MAGI2: variants seen among roughly 807,000 people sequenced by gnomAD.
MAGI2 encodes membrane associated guanylate kinase, WW and PDZ domain containing 2, also known as membrane-associated guanylate kinase, WW and PDZ domain-containing protein 2.
MAGI2 carries 35 observed loss-of-function variants against 133.3 expected under a neutral mutation model. The observed-to-expected ratio is 0.26, with a 90% CI of 0.20 to 0.35. The LOEUF is 0.35. Among genes scored for constraint, MAGI2 ranks in the 10% least tolerant of loss-of-function variants. The pLI, the probability that MAGI2 is intolerant of heterozygous loss-of-function variation, is 1.00. For missense variants in MAGI2, 1,636 were observed against 1,863.4 expected (o/e 0.88, Z 2.25); for synonymous variants, 729 against 710.6 (o/e 1.03, Z -0.41).
At chr7:78,462,812 A>C (rs1236938210) in intron 6 of MAGI2, among the ~76,000 whole-genome samples, 4 of 152,230 alleles carry the variant, frequency 2.6e-5, no homozygotes, top group Non-Finnish European at 4.4e-5. Context: ...AGGAAGCAGG[A>C]AGCCTCCTGC....
At chr7:78,407,648 C>A (rs920607695) in intron 6 of MAGI2, among the ~76,000 whole-genome samples, 35 of 84,708 alleles carry the variant, frequency 4.1e-4, no homozygotes, top group African/African-American at 2.1e-3. Context: ...GCTGCAGCTT[C>A]TTCTACTTTT....
rs540757503 is a variant in MAGI2 at position 78,086,976 on chromosome 7, G to A, written c.3568-7891C>T. Among the ~76,000 whole-genome samples the A allele has an allele frequency of 1.3e-4, 20 of 152,084 alleles. No homozygotes were observed. The East Asian group carries it at 3.3e-3, about 25-fold the overall frequency. On this transcript the variant is annotated intron_variant, in intron 20 of 21. Coordinates refer to ENST00000354212, the MANE Select transcript of MAGI2 (RefSeq NM_012301.4). ...AGGTATTTGGCATGTTTCCTTTTTGGTGCCTTTCTCTGTGCTGTTCTTTTT... is the reference window on the plus strand; with the variant it reads ...AGGTATTTGGCATGTTTCCTTTTTGATGCCTTTCTCTGTGCTGTTCTTTTT...
rs1793598326 is a variant in MAGI2 at position 78,855,942 on chromosome 7, C to T, written c.418+151148G>A. ...TTGTTTCCTGACTTTTCAATGATTG[C>T]CATTCTAACAGGTGTGAGATGGTAT... On this transcript the variant is annotated intron_variant, in intron 2 of 21. Transcript: ENST00000354212. 3.3e-5 allele frequency among the ~76,000 whole-genome samples: 5 copies of T among 152,178 alleles called. No individual in the cohort carries two copies. The South Asian group carries it at 1.0e-3, about 31-fold the overall frequency.
At chr7:79,001,849 A>T (rs1029857239) in intron 2 of MAGI2, among the ~76,000 whole-genome samples, 39 of 152,164 alleles carry the variant, frequency 2.6e-4, no homozygotes, top group African/African-American at 8.9e-4. Context: ...CTGTTTAATC[A>T]TCTCTAAATA....
intron 9 of MAGI2, among the ~76,000 whole-genome samples, chr7:78,293,611 T>C (rs758509406): frequency 2.0e-5 from 3 of 152,210 alleles, no homozygotes; most frequent in Non-Finnish European, 4.4e-5. Flanking sequence ...TTATAAGTCA[T>C]GCTGCTATAA....
intron 9 of MAGI2, among the ~76,000 whole-genome samples, chr7:78,271,334 CG>C (rs1417809029): frequency 2.6e-5 from 4 of 152,094 alleles, no homozygotes; most frequent in African/African-American, 9.7e-5. Context: ...AGCTTTTTGA[CG>C]TGCTGCTGGA....
intron 10 of MAGI2, among the ~76,000 whole-genome samples, chr7:78,230,481 A>C (rs987899539): frequency 1.3e-5 from 2 of 151,490 alleles, no homozygotes; most frequent in African/African-American, 4.9e-5. Context: ...TGAATATGCA[A>C]TTTTTTTTTA....
chr7:79,160,017 C>G (rs1824202687), intron 1 of MAGI2, among the ~76,000 whole-genome samples: 1 of 151,976 alleles, frequency 6.6e-6, no homozygotes, highest in Non-Finnish European at 1.5e-5. Context: ...AGCTCAGATG[C>G]CTTTTAATTC....
intron 1 of MAGI2, among the ~76,000 whole-genome samples, chr7:79,214,360 C>CCTCTCTCTCTCTCT (rs71531163): frequency 1.5e-4 from 4 of 27,566 alleles, no homozygotes; most frequent in Admixed American, 6.2e-4. Flanking sequence ...GCATTACGCA[C>CCTCTCTCTCTCTCT]CTCTCTCTCT....
intron 1 of MAGI2, among the ~76,000 whole-genome samples, chr7:79,209,594 C>A (rs80072483): frequency 6.6e-6 from 1 of 151,906 alleles, no homozygotes; most frequent in African/African-American, 2.4e-5. Context: ...TTCCTCTGCC[C>A]CAAGGGCACA....
intron 2 of MAGI2, among the ~76,000 whole-genome samples, chr7:78,798,163 G>A (rs755032792): frequency 6.6e-6 from 1 of 152,074 alleles, no homozygotes; most frequent in African/African-American, 2.4e-5. Context: ...TAGTATTTAC[G>A]CAGGCTGCAT....
chr7:78,789,442 G>T (rs976225768), intron 2 of MAGI2, among the ~76,000 whole-genome samples: 1 of 152,160 alleles, frequency 6.6e-6, no homozygotes, highest in Non-Finnish European at 1.5e-5. Context: ...GAATGATATT[G>T]CCTGCCATGA....
chr7:78,797,036 G>A (rs1305005287), intron 2 of MAGI2, among the ~76,000 whole-genome samples: 1 of 152,040 alleles, frequency 6.6e-6, no homozygotes, highest in Non-Finnish European at 1.5e-5. Context: ...AATACAGTTA[G>A]ATAGAAGGAA....
chr7:78,967,373 T>C (rs1196354783), intron 2 of MAGI2, among the ~76,000 whole-genome samples: 2 of 152,108 alleles, frequency 1.3e-5, no homozygotes, highest in Non-Finnish European at 2.9e-5. Context: ...ATATATGGCT[T>C]GCATGCATTT....
chr7:78,733,921 G>A lies in MAGI2; in HGVS notation c.419-106682C>T, dbSNP rs902117523. Among the ~76,000 whole-genome samples the A allele has an allele frequency of 2.1e-4, 32 of 152,188 alleles. 1 individual carries two copies. The highest frequency in any genetic ancestry group is 4.6e-4 in the Admixed American group (7 of 15,288). ...CTGTAATGGTCACATATCTGAAAAC[G>A]GTAATTGACTGATAAGCAACAAAAT... On this transcript the variant is annotated intron_variant, in intron 2 of 21. Coordinates refer to ENST00000354212, the MANE Select transcript of MAGI2 (RefSeq NM_012301.4).
intron 2 of MAGI2, among the ~76,000 whole-genome samples, chr7:78,893,951 T>C (rs1001990736): frequency 2.0e-5 from 3 of 152,190 alleles, no homozygotes; most frequent in Non-Finnish European, 4.4e-5. Context: ...ATAATATAGA[T>C]AATGAAAGCT....
chr7:78,680,319 G>T (rs567029548), intron 2 of MAGI2, among the ~76,000 whole-genome samples: 1 of 152,234 alleles, frequency 6.6e-6, no homozygotes, highest in East Asian at 1.9e-4. Flanking sequence ...TTGAAATGGA[G>T]TATAATGAGT....
At chr7:78,608,307 G>A (rs1358522092) in intron 3 of MAGI2, among the ~76,000 whole-genome samples, 2 of 151,894 alleles carry the variant, frequency 1.3e-5, no homozygotes, top group Non-Finnish European at 2.9e-5. Flanking sequence ...ACCCTTCCAT[G>A]CCTTCCCCTG....
intron 2 of MAGI2, among the ~76,000 whole-genome samples, chr7:78,630,738 A>G (rs1808898051): frequency 1.3e-5 from 2 of 152,052 alleles, no homozygotes; most frequent in Admixed American, 6.5e-5. Flanking sequence ...TGATTACTCT[A>G]TATGTAATAT....
Sources: gnomAD v4.1 joint callset for allele counts (sites outside exome capture counted in the v4.1 genomes callset) on GRCh38, gnomAD v4.1.1 for gene constraint, MANE v1.5 for transcripts, NCBI Gene and HGNC (gene_info 2026-07-23, HGNC 2026-07-21) for gene names.